The following CPNE4 variants were observed in gnomAD, a reference collection of about 807,000 sequenced individuals.
The protein encoded by CPNE4 is copine 4, also known as copine-4.
A neutral mutation model predicts 67.9 loss-of-function variants in CPNE4; 25 were observed. That is an observed-to-expected ratio of 0.37 (90% CI 0.27 to 0.51). The LOEUF (loss-of-function observed/expected upper bound fraction) is 0.51, where lower values mean the gene tolerates loss of function less well. Among genes scored for constraint, CPNE4 ranks in the 20% least tolerant of loss-of-function variants. CPNE4 has a pLI of 0.93. For missense variants in CPNE4, 464 were observed against 690.8 expected (o/e 0.67, Z 3.68); for synonymous variants, 242 against 244.9 (o/e 0.99, Z 0.11).
At chr3:131,952,683 C>T (rs1301073641) in intron 1 of CPNE4, among the ~76,000 whole-genome samples, 2 of 150,948 alleles carry the variant, frequency 1.3e-5, no homozygotes, top group East Asian at 2.0e-4. Context: ...TCTGCCCGGC[C>T]GCCCCTACTG....
At chr3:131,586,757 T>G (rs950552068) in intron 8 of CPNE4, among the ~76,000 whole-genome samples, 2 of 152,150 alleles carry the variant, frequency 1.3e-5, no homozygotes, top group Middle Eastern at 3.2e-3. Context: ...TCTGTCTGTC[T>G]GTCTGTCTGT....
intron 7 of CPNE4, among the ~76,000 whole-genome samples, chr3:131,659,550 C>A (rs2080070530): frequency 6.6e-6 from 1 of 152,168 alleles, no homozygotes; most frequent in South Asian, 2.1e-4. Flanking sequence ...TAGCATTCAT[C>A]TGATACTTTT....
intron 1 of CPNE4, among the ~76,000 whole-genome samples, chr3:131,968,418 T>C (rs777076933): frequency 8.5e-5 from 13 of 152,218 alleles, no homozygotes; most frequent in Non-Finnish European, 1.3e-4. Flanking sequence ...ACAGTGAACA[T>C]GCAACCTACA....
intron 1 of CPNE4, among the ~76,000 whole-genome samples, chr3:132,016,105 TAAGATTCTTTC>T (rs1288483787): frequency 3.9e-5 from 6 of 152,222 alleles, no homozygotes; most frequent in Admixed American, 3.9e-4. Flanking sequence ...AGATAACTTC[TAAGATTCTTTC>T]AATCCTGAGC....
chr3:132,036,443 C>T (rs754137340), upstream of CPNE4, among the ~76,000 whole-genome samples: 50 of 152,344 alleles, frequency 3.3e-4, 2 homozygotes, highest in Middle Eastern at 0.027. Context: ...AGGGACAATT[C>T]TCCAAGGGAT....
chr3:131,780,690 A>T (rs958790555), intron 2 of CPNE4, among the ~76,000 whole-genome samples: 1 of 152,092 alleles, frequency 6.6e-6, no homozygotes, highest in Non-Finnish European at 1.5e-5. Flanking sequence ...TGGGAGGAAG[A>T]TGAGGATTGA....
intron 7 of CPNE4, among the ~76,000 whole-genome samples, chr3:131,615,377 C>T (rs1308797357): frequency 2.0e-5 from 3 of 152,108 alleles, no homozygotes; most frequent in Non-Finnish European, 4.4e-5. Flanking sequence ...GAAAATAATA[C>T]CATAGCAATA....
intron 1 of CPNE4, among the ~76,000 whole-genome samples, chr3:131,923,776 T>C (rs769933341): frequency 6.7e-6 from 1 of 148,210 alleles, no homozygotes; most frequent in Non-Finnish European, 1.5e-5. Flanking sequence ...AAGAGGGGTC[T>C]GGGGTAAAAG....
intron 1 of CPNE4, among the ~76,000 whole-genome samples, chr3:132,033,181 G>A (rs1033859738): frequency 6.6e-6 from 1 of 152,250 alleles, no homozygotes; most frequent in Non-Finnish European, 1.5e-5. Flanking sequence ...TTCATTTAAA[G>A]ATAACATATT....
At chr3:131,865,509 C>A (rs2086903857) in intron 2 of CPNE4, among the ~76,000 whole-genome samples, 1 of 152,098 alleles carries the variant, frequency 6.6e-6, no homozygotes, top group Non-Finnish European at 1.5e-5. Flanking sequence ...GGTTTTTCAA[C>A]CTGTCCCATA....
At chr3:131,833,092 T>G (rs888851148) in intron 2 of CPNE4, among the ~76,000 whole-genome samples, 2 of 152,142 alleles carry the variant, frequency 1.3e-5, no homozygotes, top group Non-Finnish European at 2.9e-5. Flanking sequence ...AGCAAGAAAG[T>G]GCTGTCTATG....
intron 2 of CPNE4, among the ~76,000 whole-genome samples, chr3:131,763,936 A>T (rs1259664341): frequency 6.6e-6 from 1 of 152,122 alleles, no homozygotes; most frequent in Non-Finnish European, 1.5e-5. Context: ...AAACACTTAC[A>T]GGGTGCATCC....
intron 6 of CPNE4, among the ~76,000 whole-genome samples, chr3:131,681,322 A>T (rs1386974921): frequency 6.6e-6 from 1 of 152,158 alleles, no homozygotes; most frequent in East Asian, 1.9e-4. Flanking sequence ...TTCTGGTGTT[A>T]ATGAAATCCC....
intron 10 of CPNE4, among the ~76,000 whole-genome samples, chr3:131,570,947 A>G (rs1937305966): frequency 6.6e-6 from 1 of 151,936 alleles, no homozygotes; most frequent in African/African-American, 2.4e-5. Context: ...TTAAATTGCC[A>G]TCCTCCTTGT....
At chr3:132,019,992 A>T (rs2073959919) in intron 1 of CPNE4, among the ~76,000 whole-genome samples, 1 of 152,182 alleles carries the variant, frequency 6.6e-6, no homozygotes, top group Admixed American at 6.5e-5. Context: ...TCTCTAAATT[A>T]AAGTCAAACC....
intron 2 of CPNE4, among the ~76,000 whole-genome samples, chr3:131,735,284 A>G (rs935474581): frequency 4.6e-5 from 7 of 152,180 alleles, no homozygotes; most frequent in African/African-American, 1.4e-4. Flanking sequence ...ACCTCTCCAG[A>G]CTGAGATGGT....
rs544092694 is a variant in CPNE4, at chr3:131,954,430, A to G, written c.-1-48986T>C. ...AACTAATAAATATAAATTTATCTTA[A>G]ATTCAGCCAGAGAGGAAAAAACAGA... On this transcript the variant is annotated intron_variant, in intron 1 of 15. Transcript: ENST00000429747. 1.4e-3 allele frequency among the ~76,000 whole-genome samples: 219 copies of G among 152,350 alleles called. 2 individuals carry two copies. The highest frequency in any genetic ancestry group is 5.1e-3 in the African/African-American group (212 of 41,578).
At chr3:131,997,986 C>T (rs1483992398) in intron 1 of CPNE4, among the ~76,000 whole-genome samples, 2 of 152,112 alleles carry the variant, frequency 1.3e-5, no homozygotes, top group Non-Finnish European at 2.9e-5. Flanking sequence ...GACTTCATCA[C>T]CTCTTCTTAG....
chr3:131,828,545 A>T (rs1329711562), intron 2 of CPNE4, among the ~76,000 whole-genome samples: 1 of 152,124 alleles, frequency 6.6e-6, no homozygotes, highest in Non-Finnish European at 1.5e-5. Context: ...AGTGGAATGC[A>T]ATTTAAATTA....
Sources: allele counts gnomAD v4.1 joint callset (sites outside exome capture counted in the v4.1 genomes callset), GRCh38; gene constraint gnomAD v4.1.1; transcripts MANE v1.5; gene names NCBI Gene and HGNC (gene_info 2026-07-23, HGNC 2026-07-21).